KIF26B: variants seen among roughly 807,000 people sequenced by gnomAD.
KIF26B encodes kinesin family member 26B, also known as kinesin-like protein KIF26B.
Under a neutral mutation model 151.2 loss-of-function variants are expected in KIF26B, and 63 were observed. The ratio of observed to expected loss-of-function variants is 0.42; its 90% CI spans 0.34 to 0.51. The LOEUF is 0.51. KIF26B is among the 20% of genes least tolerant of loss of function. The pLI, the probability that KIF26B is intolerant of heterozygous loss-of-function variation, is 0.07. For missense variants in KIF26B, 2,813 were observed against 2,913.6 expected, an observed-to-expected ratio of 0.97 and a Z score of 0.79; for synonymous variants, 1,357 against 1,262.1, an observed-to-expected ratio of 1.08 and a Z score of -1.59.
intron 10 of KIF26B, among the ~76,000 whole-genome samples, chr1:245,671,089 G>A (rs1174455381): frequency 6.6e-6 from 1 of 152,158 alleles, no homozygotes; most frequent in Non-Finnish European, 1.5e-5. Flanking sequence ...AAACAAGTGA[G>A]AACATGTGAT....
At chr1:245,670,277 TATATGCACAC>T (rs2044268910) in intron 10 of KIF26B, among the ~76,000 whole-genome samples, 1 of 101,876 alleles carries the variant, frequency 9.8e-6, no homozygotes, top group African/African-American at 4.0e-5. Context: ...TATATATATA[TATATGCACAC>T]ACACACACAA....
At chr1:245,194,298 T>C (rs1669156822) in intron 2 of KIF26B, among the ~76,000 whole-genome samples, 4 of 152,198 alleles carry the variant, frequency 2.6e-5, no homozygotes, top group Admixed American at 2.6e-4. Context: ...GAGGCAGTTA[T>C]GGAAAGGGAG....
chr1:245,534,451 G>A (rs886473475), intron 4 of KIF26B, among the ~76,000 whole-genome samples: 7 of 152,064 alleles, frequency 4.6e-5, no homozygotes, highest in African/African-American at 7.2e-5. Flanking sequence ...GTGAGCCATC[G>A]CACCTGGCCC....
intron 10 of KIF26B, among the ~76,000 whole-genome samples, chr1:245,646,770 A>G (rs1424599657): frequency 6.6e-6 from 1 of 152,236 alleles, no homozygotes; most frequent in African/African-American, 2.4e-5. Context: ...TCCTGGTGAC[A>G]TGTATTTTAT....
intron 2 of KIF26B, among the ~76,000 whole-genome samples, chr1:245,200,934 C>A (rs1669290043): frequency 1.3e-5 from 2 of 152,226 alleles, no homozygotes; most frequent in African/African-American, 4.8e-5. Context: ...GTTGATGCCT[C>A]TTTATTCTTG....
intron 9 of KIF26B, among the ~76,000 whole-genome samples, chr1:245,638,093 T>C (rs1360891553): frequency 6.6e-6 from 1 of 151,972 alleles, no homozygotes; most frequent in African/African-American, 2.4e-5. Flanking sequence ...TTGCTTTGGG[T>C]AGTATAGACA....
At chr1:245,325,824 C>T (rs895898715) in intron 2 of KIF26B, among the ~76,000 whole-genome samples, 4 of 152,012 alleles carry the variant, frequency 2.6e-5, no homozygotes, top group Non-Finnish European at 4.4e-5. Flanking sequence ...CCAGGTAGAG[C>T]GTGTGTGGCG....
rs568443686 is a variant in KIF26B at position 245,409,555 on chromosome 1, G to A, written c.1000-10024G>A. On this transcript the variant is annotated intron_variant, in intron 3 of 14. Coordinates refer to ENST00000407071, the MANE Select transcript of KIF26B (RefSeq NM_018012.4). ...GCAGCCCTCCTAGGCCCTGCGTATC[G>A]CCAGTTGTGGAATTCTCTTTTGCAA... is the stretch of plus-strand genomic sequence containing the variant. 7.2e-5 allele frequency among the ~76,000 whole-genome samples: 11 copies of A among 152,290 alleles called. No individual in the cohort carries two copies. In the South Asian group the frequency reaches 1.7e-3, roughly 23 times the overall value.
chr1:245,619,257 T>C (rs2103161313), intron 9 of KIF26B, among the ~76,000 whole-genome samples: 1 of 152,310 alleles, frequency 6.6e-6, no homozygotes, highest in East Asian at 1.9e-4. Context: ...TATGGGTTCC[T>C]TGAGACAGAG....
rs980175192 is a variant in KIF26B, at chr1:245,564,731, G to A, written c.1350+23781G>A. ...TGTAGGCACCAGGGACTGGTTTCAC[G>A]GAAGACAGTTTTCCCACGGACCAAG... is the stretch of plus-strand genomic sequence containing the variant. On this transcript the variant is annotated intron_variant, in intron 5 of 14. Transcript: ENST00000407071. The surrounding 1 kb of genome is among the most constrained non-coding windows in gnomAD (Gnocchi z 4.6). Among the ~76,000 whole-genome samples the A allele has an allele frequency of 2.6e-5, 4 of 152,160 alleles. No individual in the cohort carries two copies. The highest frequency in any genetic ancestry group is 2.1e-4 in the South Asian group (1 of 4,822).
intron 2 of KIF26B, among the ~76,000 whole-genome samples, chr1:245,330,171 T>C (rs1281113309): frequency 6.6e-6 from 1 of 151,266 alleles, no homozygotes; most frequent in African/African-American, 2.4e-5. Context: ...CCATGTAGAA[T>C]TGTCTGCTTT....
chr1:245,184,124 T>TAGCTCTGG (rs1668962556), intron 2 of KIF26B, among the ~76,000 whole-genome samples: 1 of 139,634 alleles, frequency 7.2e-6, no homozygotes, highest in East Asian at 2.4e-4. Flanking sequence ...GGATCAGTTA[T>TAGCTCTGG]AGCTCTGGGA....
chr1:245,413,107 G>A lies in KIF26B; in HGVS notation c.1000-6472G>A, dbSNP rs79831563. Reference sequence around the variant, plus strand: ...TCAGAACTAAACCAAATAAAATCCCGTGGTGAAAATTTAGTTCCCCTTAAA... The same window carrying A: ...TCAGAACTAAACCAAATAAAATCCCATGGTGAAAATTTAGTTCCCCTTAAA... On this transcript the variant is annotated intron_variant, in intron 3 of 14. Transcript: ENST00000407071. Among the ~76,000 whole-genome samples, 1,106 of 152,280 alleles carry A rather than the reference G, an allele frequency of 7.3e-3. 18 individuals are homozygous for A. Among genetic ancestry groups the A allele is most frequent in the African/African-American group, 0.023 (942 of 41,550 alleles).
At chr1:245,314,906 C>T (rs769915812) in intron 2 of KIF26B, among the ~76,000 whole-genome samples, 19 of 152,162 alleles carry the variant, frequency 1.2e-4, no homozygotes, top group Non-Finnish European at 2.8e-4. Flanking sequence ...TAAGGCCAGG[C>T]GCGGTGGCTC....
At chr1:245,679,547 C>A (rs570338029) in intron 10 of KIF26B, among the ~76,000 whole-genome samples, 43 of 140,700 alleles carry the variant, frequency 3.1e-4, no homozygotes, top group Admixed American at 7.6e-4. Flanking sequence ...CGGCTCACTG[C>A]AACCTCTGCC....
At chr1:245,219,513 G>T (rs901472242) in intron 2 of KIF26B, among the ~76,000 whole-genome samples, 4 of 152,016 alleles carry the variant, frequency 2.6e-5, no homozygotes, top group African/African-American at 9.7e-5. Context: ...CAGGCAGATC[G>T]CTTGAGCCCA....
intron 2 of KIF26B, among the ~76,000 whole-genome samples, chr1:245,254,899 G>A (rs866376839): frequency 3.3e-5 from 5 of 152,244 alleles, no homozygotes; most frequent in East Asian, 1.9e-4. Context: ...TAACAAAAAC[G>A]AACCCTATTT....
chr1:245,412,642 C>T (rs1388523181), intron 3 of KIF26B, among the ~76,000 whole-genome samples: 5 of 152,152 alleles, frequency 3.3e-5, no homozygotes, highest in Admixed American at 6.5e-5. Context: ...ATTCTGTGGT[C>T]AAGATGGTAA....
In KIF26B at chr1:245,419,641, C is replaced by T. The variant is rs1658424349; in HGVS notation, c.1062C>T (p.Tyr354=). Residue 354 remains tyrosine, a synonymous_variant, in exon 4 of 15, where the codon TAC becomes TAT. Coordinates refer to ENST00000407071, the MANE Select transcript of KIF26B (RefSeq NM_018012.4). ...TAACAGAAGCAGTGCTGAACCGCTA[C>T]AATGCAGACAAGCCTTCCGCCTGCA... The part of the protein sequence containing the change: ...EGLTEAVLNR[Y]NADKPSACSV... 6.2e-7 allele frequency: 1 copy of T among 1,613,808 alleles called. No individual in the cohort carries two copies. Among genetic ancestry groups the T allele is most frequent in the Admixed American group, 1.7e-5 (1 of 60,000 alleles).
Sources: gnomAD v4.1 joint callset for allele counts (sites outside exome capture counted in the v4.1 genomes callset) on GRCh38, gnomAD v4.1.1 for gene constraint, Gnocchi (gnomAD v3.1) non-coding constraint, MANE v1.5 for transcripts, NCBI Gene and HGNC (gene_info 2026-07-23, HGNC 2026-07-21) for gene names.